Variants in SYBU observed in about 807,000 individuals in gnomAD.
The protein encoded by SYBU is GOLSYN A protein.
In SYBU, 21 loss-of-function variants were observed where a neutral mutation model predicts 35.9. The ratio of observed to expected loss-of-function variants is 0.58; its 90% CI spans 0.41 to 0.84. SYBU has a LOEUF of 0.84. SYBU is among the 40% of genes least tolerant of loss of function. The probability of loss-of-function intolerance (pLI) is 0.00; values close to 1 mark genes in which losing one functional copy is unlikely to be tolerated. For missense variants in SYBU, 768 were observed against 848.2 expected, an observed-to-expected ratio of 0.91 and a Z score of 1.17; for synonymous variants, 319 against 324.3, an observed-to-expected ratio of 0.98 and a Z score of 0.18.
chr8:109,668,165 G>GGAGGGAGAGA, intron 1 of SYBU, among the ~76,000 whole-genome samples: 1 of 89,048 alleles, frequency 1.1e-5, no homozygotes, highest in African/African-American at 4.9e-5. Flanking sequence ...GGGGAGAGGG[G>GGAGGGAGAGA]GAGAGAGAGA....
intron 1 of SYBU, among the ~76,000 whole-genome samples, chr8:109,660,793 C>A (rs1407974615): frequency 6.6e-6 from 1 of 152,078 alleles, no homozygotes; most frequent in East Asian, 1.9e-4. Flanking sequence ...GACTCTGGTA[C>A]CTTTTTTTAC....
chr8:109,609,421 T>C (rs949936230), intron 3 of SYBU, among the ~76,000 whole-genome samples: 1 of 152,236 alleles, frequency 6.6e-6, no homozygotes, highest in Non-Finnish European at 1.5e-5. Context: ...TAAATAGAAA[T>C]ACTGTCAGTG....
upstream of SYBU, among the ~76,000 whole-genome samples, chr8:109,684,658 T>C (rs1014612486): frequency 1.3e-5 from 2 of 152,190 alleles, no homozygotes; most frequent in African/African-American, 4.8e-5. Context: ...CTACTTCACT[T>C]CAAAAAGAAG....
rs1563683845 is a variant in SYBU at position 109,584,501 on chromosome 8, T to C, written c.530+1559A>G. Among the ~76,000 whole-genome samples the C allele has an allele frequency of 6.6e-6, 1 of 152,180 alleles. No individual in the cohort carries two copies. Among genetic ancestry groups the C allele is most frequent in the Non-Finnish European group, 1.5e-5 (1 of 68,030 alleles). ...GTCATAATTTCTTGAGTGGGTTATA[T>C]AAATGGTTTATTCTTAGAGCAAGCC... On this transcript the variant is annotated intron_variant, in intron 4 of 6. Transcript: ENST00000276646. The surrounding 1 kb of genome is among the most constrained non-coding windows in gnomAD (Gnocchi z 4.0).
In SYBU at chr8:109,686,743, G is replaced by T. The variant is rs547849389; in HGVS notation, c.-58+4590C>A. On this transcript the variant is annotated intron_variant, in intron 1 of 7. Coordinates refer to the SYBU transcript ENST00000422135. ...TTTTTAAGTCAGAAAACTGTCTTTA[G>T]TTGGGTCACCAAAGGTTCACAGTTT... Among the ~76,000 whole-genome samples, 3 of 152,262 alleles carry T rather than the reference G, an allele frequency of 2.0e-5. No individual in the cohort carries two copies. In the South Asian group the frequency reaches 6.2e-4, roughly 32 times the overall value.
rs563656146 is a variant in SYBU, at chr8:109,574,781, G to T, written c.*125C>A. 1.8e-6 allele frequency: 2 copies of T among 1,094,864 alleles called. No individual in the cohort carries two copies. The highest frequency in any genetic ancestry group is 2.4e-5 in the East Asian group (1 of 40,880). 67.8% of individuals were successfully genotyped at this position (1,094,864 alleles called of 1,614,324 possible). On this transcript the variant is annotated 3_prime_UTR_variant, in exon 7 of 7. Transcript: ENST00000276646. Reference sequence around the variant, plus strand: ...AGTGAACAGGCTTCAACTAAATATAGTGCAAATCAAATACCAAGGAGCAAA... The same window carrying T: ...AGTGAACAGGCTTCAACTAAATATATTGCAAATCAAATACCAAGGAGCAAA...
At chr8:109,629,565 A>G (rs916378551) in intron 2 of SYBU, among the ~76,000 whole-genome samples, 2 of 151,618 alleles carry the variant, frequency 1.3e-5, no homozygotes, top group Admixed American at 6.6e-5. Context: ...TGGCTCCTTT[A>G]AGAATGAAAG....
In SYBU at chr8:109,615,994, TTTCTTTTCTTTC is replaced by T. The variant is rs1392091515; in HGVS notation, c.427+2836_427+2847del. Among the ~76,000 whole-genome samples, 114 of 128,830 alleles carry T rather than the reference TTTCTTTTCTTTC, an allele frequency of 8.8e-4. 1 individual carries two copies. Among genetic ancestry groups the T allele is most frequent in the African/African-American group, 3.6e-3 (108 of 29,764 alleles). 84.5% of individuals were successfully genotyped at this position (128,830 alleles called of 152,430 possible). ...CTTTATTCCCTGTAATTTCTTTTCT[TTTCTTTTCTTTC>T]TTTTTTTTTTTTTTTTTTTTTTTGA... On this transcript the variant is annotated intron_variant, in intron 3 of 6. Coordinates refer to ENST00000276646, the MANE Select transcript of SYBU (RefSeq NM_001099754.2).
intron 3 of SYBU, among the ~76,000 whole-genome samples, chr8:109,606,086 A>C (rs1188988789): frequency 6.6e-6 from 1 of 152,178 alleles, no homozygotes; most frequent in Non-Finnish European, 1.5e-5. Flanking sequence ...AACAAAAACC[A>C]CTACTGTATA....
rs566837139 is a variant in SYBU, at chr8:109,574,956, C to T, written c.1942G>A (p.Val648Met). 7 of 1,519,796 alleles carry T rather than the reference C, an allele frequency of 4.6e-6. No homozygotes were observed. The highest frequency in any genetic ancestry group is 1.3e-5 in the South Asian group (1 of 75,658). 94.1% of individuals were successfully genotyped at this position (1,519,796 alleles called of 1,614,324 possible). Residue 648 changes from valine to methionine, a missense_variant, in exon 7 of 7, where the codon GTG becomes ATG. Physicochemically the swap from Val to Met is conservative, Grantham distance 21. Transcript: ENST00000276646. Reference protein sequence around the residue: ...NIGALLRGCCVVALHSLRRTA... With the variant: ...NIGALLRGCCMVALHSLRRTA... ...CGGCGGAGCGAATGCAGGGCAACCACGCAACAGCCCCTGAGCAAGGCCCCG... is the reference window on the plus strand; with the variant it reads ...CGGCGGAGCGAATGCAGGGCAACCATGCAACAGCCCCTGAGCAAGGCCCCG...
chr8:109,674,160 A>C (rs1358626696), intron 1 of SYBU, among the ~76,000 whole-genome samples: 2 of 152,158 alleles, frequency 1.3e-5, no homozygotes, highest in Non-Finnish European at 2.9e-5. Flanking sequence ...GCAAACATTC[A>C]AATTCAGGAA....
upstream of SYBU, among the ~76,000 whole-genome samples, chr8:109,682,319 A>G (rs962598708): frequency 3.3e-5 from 5 of 152,220 alleles, no homozygotes; most frequent in African/African-American, 1.2e-4. Flanking sequence ...AAAGTTTGCA[A>G]CTTCCTAGAG....
At chr8:109,615,472 C>T (rs747531104) in intron 3 of SYBU, among the ~76,000 whole-genome samples, 1 of 152,042 alleles carries the variant, frequency 6.6e-6, no homozygotes, top group Non-Finnish European at 1.5e-5. Context: ...CAGGTTTTTT[C>T]TGCTAAAAGT....
chr8:109,624,021 C>T (rs1812714966), intron 2 of SYBU, among the ~76,000 whole-genome samples: 1 of 151,976 alleles, frequency 6.6e-6, no homozygotes, highest in Non-Finnish European at 1.5e-5. Flanking sequence ...AAAATTTCTC[C>T]CTGGAACTTG....
intron 3 of SYBU, among the ~76,000 whole-genome samples, chr8:109,596,236 T>G (rs1357018916): frequency 4.6e-5 from 7 of 152,260 alleles, no homozygotes; most frequent in Non-Finnish European, 8.8e-5. Flanking sequence ...TCTCAATGTA[T>G]TTTTTAAAAG....
intron 3 of SYBU, among the ~76,000 whole-genome samples, chr8:109,616,171 C>A (rs1355616774): frequency 6.6e-6 from 1 of 151,676 alleles, no homozygotes; most frequent in African/African-American, 2.4e-5. Context: ...ACCACCACGC[C>A]TGGCTAATTT....
At chr8:109,637,976 A>C (rs1022542958) in intron 2 of SYBU, among the ~76,000 whole-genome samples, 1 of 152,216 alleles carries the variant, frequency 6.6e-6, no homozygotes, top group African/African-American at 2.4e-5. Context: ...TCAGATTTTG[A>C]CCATTTAAAA....
chr8:109,625,517 G>C (rs575168538), intron 2 of SYBU, among the ~76,000 whole-genome samples: 88 of 152,262 alleles, frequency 5.8e-4, no homozygotes, highest in Non-Finnish European at 1.0e-3. Context: ...CCAACTCCTG[G>C]CTCACGTGAT....
chr8:109,673,080 G>T (rs1169620287), intron 1 of SYBU, among the ~76,000 whole-genome samples: 1 of 152,212 alleles, frequency 6.6e-6, no homozygotes, highest in African/African-American at 2.4e-5. Flanking sequence ...AGAGCACCTG[G>T]GGGAAGGGGC....
Sources: gnomAD v4.1 joint callset for allele counts (sites outside exome capture counted in the v4.1 genomes callset) on GRCh38, gnomAD v4.1.1 for gene constraint, Gnocchi (gnomAD v3.1) non-coding constraint, MANE v1.5 for transcripts, NCBI Gene and HGNC (gene_info 2026-07-23, HGNC 2026-07-21) for gene names.